Variants in VPS8 observed in about 807,000 individuals in gnomAD.
VPS8 encodes the protein vacuolar protein sorting-associated protein 8 homolog.
A neutral mutation model predicts 216.4 loss-of-function variants in VPS8; 129 were observed. The observed-to-expected ratio is 0.60, with a 90% CI of 0.52 to 0.69. VPS8 has a LOEUF of 0.69. Among genes scored for constraint, VPS8 ranks in the 30% least tolerant of loss-of-function variants. The probability of loss-of-function intolerance (pLI) is 0.00; values close to 1 mark genes in which losing one functional copy is unlikely to be tolerated. For synonymous variants in VPS8, 571 were observed against 565.4 expected (o/e 1.01, Z -0.14); for missense variants, 1,531 against 1,683.5 (o/e 0.91, Z 1.59).
intron 45 of VPS8, among the ~76,000 whole-genome samples, chr3:185,003,803 G>A (rs1326071695): frequency 1.3e-5 from 2 of 151,976 alleles, no homozygotes; most frequent in African/African-American, 4.8e-5. Flanking sequence ...CTTCTCAGAC[G>A]GGGCGGCTGC....
chr3:185,045,779 A>G (rs1159468244), intron 46 of VPS8, among the ~76,000 whole-genome samples: 1 of 151,930 alleles, frequency 6.6e-6, no homozygotes, highest in Admixed American at 6.6e-5. Flanking sequence ...AAAAAAAAAA[A>G]AAAAAAGAGG....
At chr3:184,839,374 A>G (rs16859336) in intron 6 of VPS8, 3,804 of 278,600 alleles carry the variant, frequency 0.014, 139 homozygotes, top group African/African-American at 0.081. Flanking sequence ...GTTGGGTAGC[A>G]TAAGTGCCTC....
At chr3:184,860,797 A>T (rs1212720546) in intron 15 of VPS8, among the ~76,000 whole-genome samples, 2 of 147,820 alleles carry the variant, frequency 1.4e-5, no homozygotes, top group African/African-American at 5.0e-5. Context: ...TCTTTCTACC[A>T]TGCATCTCAA....
At chr3:184,924,491 T>G (rs1739209203) in intron 29 of VPS8, among the ~76,000 whole-genome samples, 1 of 151,802 alleles carries the variant, frequency 6.6e-6, no homozygotes, top group South Asian at 2.1e-4. Flanking sequence ...CACTCGAGCT[T>G]GGGCAACAGA....
Position 184,903,648 on chromosome 3 carries a change from A to G in VPS8, c.2146+2676A>G, listed in dbSNP as rs149734176. On this transcript the variant is annotated intron_variant, in intron 25 of 47. Transcript: ENST00000625842. ...AAAATTCTCAAGACAGGGTCTTGCT[A>G]TGTTTCCCAGGCTGGTCTTAAACTC... Among the ~76,000 whole-genome samples the G allele has an allele frequency of 1.5e-4, 23 of 151,478 alleles. No individual in the cohort carries two copies. In the East Asian group the frequency reaches 3.3e-3, roughly 22 times the overall value.
chr3:184,827,225 G>A (rs1273699292), intron 3 of VPS8, among the ~76,000 whole-genome samples: 3 of 152,132 alleles, frequency 2.0e-5, no homozygotes. Context: ...CACTTTATAG[G>A]ATGCAAACTA....
intron 42 of VPS8, among the ~76,000 whole-genome samples, chr3:184,991,127 T>C (rs1751845743): frequency 6.6e-6 from 1 of 152,172 alleles, no homozygotes. Flanking sequence ...TTTAAAGCAG[T>C]GCTCAATTAA....
intron 19 of VPS8, 47 bp downstream of exon 19, chr3:184,869,083 A>G (rs1577987616): frequency 6.5e-7 from 1 of 1,541,294 alleles, no homozygotes; most frequent in Non-Finnish European, 8.8e-7. Context: ...CTCCTGGAGT[A>G]GAGGGAATGG....
chr3:184,953,261 A>C (rs1257869995), intron 36 of VPS8, among the ~76,000 whole-genome samples: 3 of 152,194 alleles, frequency 2.0e-5, no homozygotes, highest in African/African-American at 7.2e-5. Context: ...AAGAGTTTTT[A>C]AAGGCAGGGG....
At position 184,940,943 on chromosome 3, in the gene VPS8, C is replaced by T. The variant is rs569146661; in HGVS notation, c.3035+700C>T. Among the ~76,000 whole-genome samples the T allele has an allele frequency of 5.3e-5, 8 of 152,240 alleles. No individual in the cohort carries two copies. In the South Asian group the frequency reaches 8.3e-4, roughly 16 times the overall value. ...TAGTAGTGTGCATCAGAATCACCTA[C>T]GAAGCTTTTAAAAATTCAGATGGCT... On this transcript the variant is annotated intron_variant, in intron 36 of 47. Coordinates refer to ENST00000625842, the MANE Select transcript of VPS8 (RefSeq NM_001009921.3).
At chr3:184,906,526 A>G (rs963848383) in intron 25 of VPS8, among the ~76,000 whole-genome samples, 3 of 152,188 alleles carry the variant, frequency 2.0e-5, no homozygotes, top group Non-Finnish European at 2.9e-5. Context: ...AAAGGCATAT[A>G]CTTTTGTTAA....
intron 47 of VPS8, among the ~76,000 whole-genome samples, chr3:185,050,924 A>T (rs1561283554): frequency 6.6e-6 from 1 of 152,194 alleles, no homozygotes; most frequent in Non-Finnish European, 1.5e-5. Flanking sequence ...ATTAGGGACC[A>T]TTTTGACCTG....
chr3:184,885,694 A>G (rs550287531), intron 21 of VPS8, among the ~76,000 whole-genome samples: 1 of 152,224 alleles, frequency 6.6e-6, no homozygotes, highest in Non-Finnish European at 1.5e-5. Context: ...TGTTTTAATG[A>G]TATTGTAAAC....
intron 36 of VPS8, among the ~76,000 whole-genome samples, chr3:184,948,666 G>T (rs1451500995): frequency 6.6e-6 from 1 of 152,184 alleles, no homozygotes; most frequent in African/African-American, 2.4e-5. Context: ...ATATTCTGAG[G>T]TTCCTGGGCC....
chr3:184,868,980 C>G lies in VPS8; in HGVS notation c.1541C>G (p.Thr514Arg). ...CATCTCCTGAAACAAGATTGTCTTACAGAAGCGTTGGCTCTTGCGTGGTCT... is the reference window on the plus strand; with the variant it reads ...CATCTCCTGAAACAAGATTGTCTTAGAGAAGCGTTGGCTCTTGCGTGGTCT... ...VDHLLKQDCL[T>R]EALALAWSFH... The change falls in exon 19 of 48, where the codon ACA (threonine) becomes AGA (arginine). Residue 514 changes from threonine to arginine, a missense_variant. Around this residue, in one of 3 missense-constraint regions of VPS8, gnomAD observed 1,318 missense variants for 1,468.4 expected, o/e 0.90. Transcript: ENST00000625842. The G allele has an allele frequency of 6.2e-7, 1 of 1,610,730 alleles. No homozygotes were observed. Among genetic ancestry groups the G allele is most frequent in the Non-Finnish European group, 8.5e-7 (1 of 1,178,582 alleles).
intron 21 of VPS8, among the ~76,000 whole-genome samples, chr3:184,874,901 G>A (rs188098144): frequency 6.6e-6 from 1 of 152,190 alleles, no homozygotes; most frequent in African/African-American, 2.4e-5. Context: ...TGCTCCAGAG[G>A]GAAGGCCTAG....
At chr3:184,976,624 T>G (rs926588529) in intron 40 of VPS8, among the ~76,000 whole-genome samples, 6 of 152,058 alleles carry the variant, frequency 3.9e-5, no homozygotes. Flanking sequence ...ATCCCCCTCC[T>G]TCCTTCTTAT....
intron 47 of VPS8, 98 bp from the exon 48 acceptor site, chr3:185,051,778 A>G: frequency 7.2e-7 from 1 of 1,380,866 alleles, no homozygotes. Context: ...CTCCTGCAAC[A>G]CAGCACTGTC....
intron 37 of VPS8, among the ~76,000 whole-genome samples, chr3:184,958,490 T>C (rs1745974052): frequency 6.6e-6 from 1 of 152,172 alleles, no homozygotes; most frequent in African/African-American, 2.4e-5. Flanking sequence ...AAAGTATCTA[T>C]AGTTGGGGTG....
Sources: allele counts gnomAD v4.1 joint callset (sites outside exome capture counted in the v4.1 genomes callset), GRCh38; gene constraint gnomAD v4.1.1; regional missense constraint gnomAD v4.1.1; transcripts MANE v1.5; gene names NCBI Gene and HGNC (gene_info 2026-07-23, HGNC 2026-07-21).